CACNA2D1: variants seen among roughly 807,000 people sequenced by gnomAD.
The protein encoded by CACNA2D1 is calcium voltage-gated channel auxiliary subunit alpha2delta 1.
CACNA2D1 carries 53 observed loss-of-function variants against 171.5 expected under a neutral mutation model. The ratio of observed to expected loss-of-function variants is 0.31; its 90% CI spans 0.25 to 0.39. CACNA2D1 has a LOEUF of 0.39. Ranked by LOEUF, CACNA2D1 falls within the 10% of genes least tolerant of loss-of-function variation. The pLI, the probability that CACNA2D1 is intolerant of heterozygous loss-of-function variation, is 1.00. For missense variants in CACNA2D1, 903 were observed against 1,299.8 expected, an observed-to-expected ratio of 0.69 and a Z score of 4.69; for synonymous variants, 442 against 443.1, an observed-to-expected ratio of 1.00 and a Z score of 0.03.
At chr7:82,092,411 G>A (rs994523703) in intron 6 of CACNA2D1, among the ~76,000 whole-genome samples, 3 of 151,062 alleles carry the variant, frequency 2.0e-5, no homozygotes, top group African/African-American at 4.9e-5. Flanking sequence ...TCATTCTGTC[G>A]CCCAGGCTGG....
At chr7:82,090,029 A>G (rs1810957438) in intron 6 of CACNA2D1, among the ~76,000 whole-genome samples, 2 of 152,212 alleles carry the variant, frequency 1.3e-5, no homozygotes, top group Non-Finnish European at 2.9e-5. Context: ...AAAGTATGAA[A>G]TGTGATGTTT....
At chr7:82,037,992 CAG>C in intron 11 of CACNA2D1, 83 bp downstream of exon 11, 2 of 1,316,238 alleles carry the variant, frequency 1.5e-6, no homozygotes, top group South Asian at 1.2e-5. Context: ...TATCTAATCC[CAG>C]AGAGTAGTAA....
chr7:82,264,636 A>G (rs1807579793), intron 3 of CACNA2D1, among the ~76,000 whole-genome samples: 1 of 152,202 alleles, frequency 6.6e-6, no homozygotes, highest in Admixed American at 6.5e-5. Context: ...AGAAATGAAG[A>G]AAGAAAAGGA....
chr7:82,345,035 G>C (rs1819089141), intron 2 of CACNA2D1, among the ~76,000 whole-genome samples: 1 of 151,960 alleles, frequency 6.6e-6, no homozygotes, highest in African/African-American at 2.4e-5. Context: ...TGATTCCCTA[G>C]TCAGGATCAC....
At chr7:82,323,278 A>C (rs1816222244) in intron 3 of CACNA2D1, among the ~76,000 whole-genome samples, 1 of 151,648 alleles carries the variant, frequency 6.6e-6, no homozygotes, top group African/African-American at 2.4e-5. Context: ...AAAAAAAAAG[A>C]GGTGAAATGA....
chr7:82,341,891 C>A (rs1313952045), intron 2 of CACNA2D1, among the ~76,000 whole-genome samples: 3 of 147,346 alleles, frequency 2.0e-5, no homozygotes, highest in Non-Finnish European at 1.5e-5. Flanking sequence ...ACTAAAAATA[C>A]AAAAAAAAAA....
rs1796755690 is a variant in CACNA2D1, at chr7:81,984,485, T to G, written c.1873+150A>C. The G allele has an allele frequency of 6.0e-6, 4 of 666,704 alleles. No homozygotes were observed. In the Admixed American group the frequency reaches 8.5e-5, roughly 14 times the overall value. 41.3% of individuals were successfully genotyped at this position (666,704 alleles called of 1,614,324 possible). ...GAATATTTCTTGTTCCTTGCATGTTTGGAATGGGTTAGAATCATTGCTGTA... is the reference window on the plus strand; with the variant it reads ...GAATATTTCTTGTTCCTTGCATGTTGGGAATGGGTTAGAATCATTGCTGTA... On this transcript the variant is annotated intron_variant, in intron 22 of 38. Coordinates refer to ENST00000356860, the MANE Select transcript of CACNA2D1 (RefSeq NM_000722.4).
At chr7:82,009,843 C>A (rs1274312906) in intron 15 of CACNA2D1, among the ~76,000 whole-genome samples, 1 of 152,024 alleles carries the variant, frequency 6.6e-6, no homozygotes, top group Non-Finnish European at 1.5e-5. Context: ...GATTTCTCTA[C>A]CCTGGAATTT....
At chr7:82,155,156 A>C (rs185300149) in intron 4 of CACNA2D1, among the ~76,000 whole-genome samples, 172 of 152,232 alleles carry the variant, frequency 1.1e-3, no homozygotes, top group African/African-American at 3.9e-3. Flanking sequence ...CCTAGAAACC[A>C]AACAGATGTC....
At position 82,018,498 on chromosome 7, in the gene CACNA2D1, T is replaced by C. The variant is rs142494553; in HGVS notation, c.1144-4019A>G. On this transcript the variant is annotated intron_variant, in intron 12 of 38. Transcript: ENST00000356860. ...TACTTACATCATCATACATTCTTAA[T>C]CTTTTTATTTAATATTAAATAAGCA... Among the ~76,000 whole-genome samples, 70 of 152,298 alleles carry C rather than the reference T, an allele frequency of 4.6e-4. 1 individual carries two copies. Among genetic ancestry groups the C allele is most frequent in the African/African-American group, 1.7e-3 (69 of 41,578 alleles).
At chr7:81,978,766 T>TAC (rs1796126479) in intron 24 of CACNA2D1, among the ~76,000 whole-genome samples, 1 of 141,452 alleles carries the variant, frequency 7.1e-6, no homozygotes, top group African/African-American at 2.7e-5. Context: ...TATATATATA[T>TAC]ATATACACAC....
chr7:82,136,685 A>AT lies in CACNA2D1; in HGVS notation c.355-10_355-9insA. On this transcript the variant is annotated splice_polypyrimidine_tract_variant and intron_variant, in intron 4 of 38. Coordinates refer to ENST00000356860, the MANE Select transcript of CACNA2D1 (RefSeq NM_000722.4). ...TAGACAACTTCATTGCTCTACAAAA[A>AT]AAAAAGAACGCTTTATTGATTTTAA... The AT allele has an allele frequency of 6.4e-7, 1 of 1,567,354 alleles. No individual in the cohort carries two copies. Among genetic ancestry groups the AT allele is most frequent in the Non-Finnish European group, 8.7e-7 (1 of 1,150,222 alleles).
At chr7:82,202,268 T>A (rs994341654) in intron 3 of CACNA2D1, among the ~76,000 whole-genome samples, 8 of 152,098 alleles carry the variant, frequency 5.3e-5, no homozygotes, top group African/African-American at 1.9e-4. Context: ...ATGTCGAAAT[T>A]CCCTACGATT....
chr7:82,194,278 C>G (rs1798633177), intron 3 of CACNA2D1, among the ~76,000 whole-genome samples: 2 of 151,976 alleles, frequency 1.3e-5, no homozygotes, highest in South Asian at 4.1e-4. Flanking sequence ...CGGTGACTGT[C>G]TCAACCCCAC....
intron 16 of CACNA2D1, 90 bp downstream of exon 16, chr7:82,007,589 T>C (rs1047495897): frequency 2.6e-6 from 2 of 769,264 alleles, no homozygotes; most frequent in Non-Finnish European, 2.3e-6. Flanking sequence ...ACACTGCATG[T>C]ATTTTCTTAT....
Position 82,404,552 on chromosome 7 carries a change from C to T in CACNA2D1, c.95+38813G>A, listed in dbSNP as rs73386019. Among the ~76,000 whole-genome samples, 509 of 152,026 alleles carry T rather than the reference C, an allele frequency of 3.3e-3. 2 individuals are homozygous for T. Among genetic ancestry groups the T allele is most frequent in the African/African-American group, 0.012 (489 of 41,466 alleles). On this transcript the variant is annotated intron_variant, in intron 1 of 38. Transcript: ENST00000356860. ...GGGTCAAGGTTGAAATGAAGCTCAACTGTGGGGGAATAAATTTAGTTACAT... is the reference window on the plus strand; with the variant it reads ...GGGTCAAGGTTGAAATGAAGCTCAATTGTGGGGGAATAAATTTAGTTACAT...
intron 24 of CACNA2D1, among the ~76,000 whole-genome samples, chr7:81,977,429 T>C (rs1200516692): frequency 2.0e-5 from 3 of 151,978 alleles, no homozygotes; most frequent in African/African-American, 7.3e-5. Context: ...GTCTCAGAAA[T>C]AACGCCACAC....
intron 7 of CACNA2D1, among the ~76,000 whole-genome samples, chr7:82,067,003 G>T (rs1161188900): frequency 1.3e-5 from 2 of 152,022 alleles, no homozygotes; most frequent in Non-Finnish European, 2.9e-5. Context: ...TAACTAAAAG[G>T]TCAGCTATAA....
intron 18 of CACNA2D1, chr7:82,001,805 C>A: frequency 2.7e-6 from 1 of 365,412 alleles, no homozygotes; most frequent in South Asian, 2.6e-5. Flanking sequence ...CAGATATTTC[C>A]TTGATTGCAA....
Sources: gnomAD v4.1 joint callset for allele counts (sites outside exome capture counted in the v4.1 genomes callset) on GRCh38, gnomAD v4.1.1 for gene constraint, MANE v1.5 for transcripts, NCBI Gene and HGNC (gene_info 2026-07-23, HGNC 2026-07-21) for gene names.